LITAF: variants seen among roughly 807,000 people sequenced by gnomAD.
The protein encoded by LITAF is lipopolysaccharide induced TNF factor.
A neutral mutation model predicts 14.5 loss-of-function variants in LITAF; 9 were observed. That is an observed-to-expected ratio of 0.62 (90% CI 0.37 to 1.08). The LOEUF is 1.08. LITAF is among the 50% of genes least tolerant of loss of function. The probability of loss-of-function intolerance (pLI) is 0.01; values close to 1 mark genes in which losing one functional copy is unlikely to be tolerated. For synonymous variants in LITAF, 98 were observed against 88.2 expected (o/e 1.11, Z -0.62); for missense variants, 206 against 213.4 (o/e 0.97, Z 0.22).
chr16:11,581,930 T>C (rs2064743563), intron 1 of LITAF, among the ~76,000 whole-genome samples: 1 of 152,126 alleles, frequency 6.6e-6, no homozygotes, highest in African/African-American at 2.4e-5. Flanking sequence ...TACTGGAGGT[T>C]ACAAAGGGGA....
chr16:11,596,018 T>C (rs1436006460), intron 1 of LITAF, among the ~76,000 whole-genome samples: 3 of 152,156 alleles, frequency 2.0e-5, no homozygotes, highest in African/African-American at 7.2e-5. Flanking sequence ...GCAGGCGGCC[T>C]GGCTCCAAGT....
Position 11,556,969 on chromosome 16 carries a change from A to AT in LITAF, c.-5-235_-5-234insA, listed in dbSNP as rs1237392631. Among the ~76,000 whole-genome samples the AT allele has an allele frequency of 5.9e-5, 9 of 152,344 alleles. No individual in the cohort carries two copies. In the East Asian group the frequency reaches 1.2e-3, roughly 20 times the overall value. ...AAAACCTGGAAAATCCAAAGTGGAAACATCAACCAAATAAGGGTCATTTCT... is the reference window on the plus strand; with the variant it reads ...AAAACCTGGAAAATCCAAAGTGGAAATCATCAACCAAATAAGGGTCATTTCT... On this transcript the variant is annotated intron_variant, in intron 1 of 3. Coordinates refer to ENST00000622633, the MANE Select transcript of LITAF (RefSeq NM_001136472.2).
intron 3 of LITAF, among the ~76,000 whole-genome samples, chr16:11,619,457 C>T (rs2065037149): frequency 6.6e-6 from 1 of 152,184 alleles, no homozygotes; most frequent in African/African-American, 2.4e-5. Flanking sequence ...AAGAAGCTGC[C>T]AACTCAGCCC....
In LITAF at chr16:11,553,759, AAG is replaced by A. The variant is rs1189247614; in HGVS notation, c.221-72_221-71del. On this transcript the variant is annotated intron_variant, in intron 2 of 3. Coordinates refer to ENST00000622633, the MANE Select transcript of LITAF (RefSeq NM_001136472.2). This position sits in a 1 kb window ranked among gnomAD's most constrained non-coding sequence, Gnocchi z 7.7. The stretch of plus-strand genomic sequence containing the variant: ...GGCCAATAGCATTCACTACAGGACA[AAG>A]AGAGGAACGCAGGGATGCCAGCAAA... The A allele has an allele frequency of 1.0e-5, 16 of 1,555,678 alleles. No homozygotes were observed. Among genetic ancestry groups the A allele is most frequent in the Non-Finnish European group, 1.4e-5 (16 of 1,129,212 alleles).
intron 3 of LITAF, among the ~76,000 whole-genome samples, chr16:11,610,465 G>A (rs929374721): frequency 6.6e-6 from 1 of 152,178 alleles, no homozygotes; most frequent in Non-Finnish European, 1.5e-5. Flanking sequence ...GCAGTGGGAA[G>A]GGAGTGGAGA....
intron 3 of LITAF, among the ~76,000 whole-genome samples, chr16:11,604,954 T>A (rs946951400): frequency 6.6e-6 from 1 of 152,082 alleles, no homozygotes; most frequent in Non-Finnish European, 1.5e-5. Flanking sequence ...ATCTCGGTCA[T>A]CTTTGGATGT....
intron 2 of LITAF, among the ~76,000 whole-genome samples, chr16:11,554,516 C>T (rs535278669): frequency 3.1e-4 from 47 of 152,228 alleles, no homozygotes; most frequent in African/African-American, 1.0e-3. Flanking sequence ...GGCACGGTGG[C>T]TCACACCTGT....
Position 11,548,507 on chromosome 16 carries a change from C to G in LITAF, c.*1130G>C. On this transcript the variant is annotated 3_prime_UTR_variant, in exon 4 of 4. Coordinates refer to ENST00000622633, the MANE Select transcript of LITAF (RefSeq NM_001136472.2). ...CCAGGAAACCAAAACGGACCCCACTCTGAGAGTTCCATGATGAAGGTGTTT... is the reference window on the plus strand; with the variant it reads ...CCAGGAAACCAAAACGGACCCCACTGTGAGAGTTCCATGATGAAGGTGTTT... The G allele has an allele frequency of 2.2e-6, 1 of 454,038 alleles. No individual in the cohort carries two copies. Among genetic ancestry groups the G allele is most frequent in the Non-Finnish European group, 4.4e-6 (1 of 226,774 alleles). 28.1% of individuals were successfully genotyped at this position (454,038 alleles called of 1,614,324 possible). A position where few individuals can be genotyped will look rare whatever the true frequency, so the allele number is the denominator to read the frequency against.
intron 3 of LITAF, among the ~76,000 whole-genome samples, chr16:11,630,575 T>TA (rs1311500367): frequency 6.8e-6 from 1 of 147,336 alleles, no homozygotes; most frequent in Non-Finnish European, 1.5e-5. Flanking sequence ...GCCAACTTTT[T>TA]TTTTTTTTTT....
At position 11,605,057 on chromosome 16, in the gene LITAF, T is replaced by C. The variant is rs2064948158; in HGVS notation, c.85+28476A>G. The stretch of plus-strand genomic sequence containing the variant: ...TCCAGGAATCGGCCAGGACCACTGC[T>C]GGACGTGGGGCACTTGAATGGGTCC... On this transcript the variant is annotated intron_variant, in intron 3 of 3. Coordinates refer to the LITAF transcript ENST00000574848. This position sits in a 1 kb window ranked among gnomAD's most constrained non-coding sequence, Gnocchi z 4.7. Among the ~76,000 whole-genome samples the C allele has an allele frequency of 6.6e-6, 1 of 152,212 alleles. No individual in the cohort carries two copies. The highest frequency in any genetic ancestry group is 1.5e-5 in the Non-Finnish European group (1 of 68,032).
At chr16:11,576,554 A>AAAAAAAGACAG (rs1555469756) in intron 1 of LITAF, among the ~76,000 whole-genome samples, 5 of 116,642 alleles carry the variant, frequency 4.3e-5, no homozygotes, top group African/African-American at 1.7e-4. Flanking sequence ...AAAAAAAAAA[A>AAAAAAAGACAG]AGAGAGAGAG....
chr16:11,616,503 A>G (rs1378567026), intron 3 of LITAF, among the ~76,000 whole-genome samples: 1 of 151,846 alleles, frequency 6.6e-6, no homozygotes. Context: ...GAAAAAAAAA[A>G]AGAAAAAGAA....
chr16:11,565,530 C>A (rs981206908), intron 1 of LITAF, among the ~76,000 whole-genome samples: 3 of 152,028 alleles, frequency 2.0e-5, no homozygotes, highest in African/African-American at 7.2e-5. Flanking sequence ...TAAAACTGAG[C>A]CTCTAAGTTG....
chr16:11,607,465 G>A (rs2141873378), intron 3 of LITAF, among the ~76,000 whole-genome samples: 1 of 151,460 alleles, frequency 6.6e-6, no homozygotes, highest in East Asian at 1.9e-4. Context: ...TTCTCTTTTT[G>A]CTCTGGCCAC....
intron 3 of LITAF, among the ~76,000 whole-genome samples, chr16:11,606,034 T>C (rs2064953525): frequency 6.6e-6 from 1 of 152,158 alleles, no homozygotes; most frequent in Non-Finnish European, 1.5e-5. Flanking sequence ...TTAAACTTAT[T>C]GTGGGCTATT....
chr16:11,627,783 G>T (rs1467266031), intron 3 of LITAF, among the ~76,000 whole-genome samples: 1 of 152,178 alleles, frequency 6.6e-6, no homozygotes, highest in Non-Finnish European at 1.5e-5. Flanking sequence ...GGCAGAGGTT[G>T]CAGTGAGCCG....
intron 1 of LITAF, among the ~76,000 whole-genome samples, chr16:11,580,311 A>G (rs907386361): frequency 6.6e-6 from 1 of 151,128 alleles, no homozygotes; most frequent in Non-Finnish European, 1.5e-5. Flanking sequence ...AGGCTGGCGT[A>G]CAGTGGTGTG....
At chr16:11,618,304 G>C (rs1443120374) in intron 3 of LITAF, among the ~76,000 whole-genome samples, 1 of 152,212 alleles carries the variant, frequency 6.6e-6, no homozygotes, top group Non-Finnish European at 1.5e-5. Context: ...AGAAATACTA[G>C]TCTAGCAGGT....
At chr16:11,638,101 T>TAGATAG (rs1567271162), upstream of LITAF, among the ~76,000 whole-genome samples, 63 of 93,232 alleles carry the variant, frequency 6.8e-4, 21 homozygotes, top group African/African-American at 3.1e-3. Flanking sequence ...TCTATCTATA[T>TAGATAG]ATATATATCT....
Sources: gnomAD v4.1 joint callset for allele counts (sites outside exome capture counted in the v4.1 genomes callset) on GRCh38, gnomAD v4.1.1 for gene constraint, Gnocchi (gnomAD v3.1) non-coding constraint, MANE v1.5 for transcripts, NCBI Gene and HGNC (gene_info 2026-07-23, HGNC 2026-07-21) for gene names.